The following FREM3 variants were observed in gnomAD, a reference collection of about 807,000 sequenced individuals.
FREM3 encodes FRAS1 related extracellular matrix 3.
In FREM3, 105 loss-of-function variants were observed where a neutral mutation model predicts 129.1. That is an observed-to-expected ratio of 0.81 (90% CI 0.69 to 0.96). FREM3 has a LOEUF of 0.96. FREM3 is among the 40% of genes least tolerant of loss of function. FREM3 has a pLI of 0.00. For missense variants in FREM3, 2,593 were observed against 2,666.3 expected (o/e 0.97, Z 0.61); for synonymous variants, 1,014 against 1,044.9 (o/e 0.97, Z 0.57).
intron 7 of FREM3, among the ~76,000 whole-genome samples, chr4:143,583,950 A>T (rs1255094102): frequency 1.3e-5 from 2 of 152,236 alleles, no homozygotes; most frequent in Admixed American, 6.5e-5. Context: ...TTAAATCCTC[A>T]CATATCAAAT....
chr4:143,675,431 G>T (rs1415924174), intron 2 of FREM3, among the ~76,000 whole-genome samples: 1 of 152,082 alleles, frequency 6.6e-6, no homozygotes, highest in Non-Finnish European at 1.5e-5. Context: ...GCCCACAAGA[G>T]AAAGCAGGAA....
chr4:143,606,313 C>T (rs1333691995), intron 6 of FREM3, among the ~76,000 whole-genome samples: 1 of 151,852 alleles, frequency 6.6e-6, no homozygotes, highest in Non-Finnish European at 1.5e-5. Flanking sequence ...ACATGTTCTT[C>T]AAGGGGTTTG....
At chr4:143,588,854 C>G (rs1448379498) in intron 6 of FREM3, among the ~76,000 whole-genome samples, 6 of 149,856 alleles carry the variant, frequency 4.0e-5, no homozygotes, top group Admixed American at 2.7e-4. Flanking sequence ...GTTTACAGTC[C>G]CACCAACAGG....
At chr4:143,682,050 C>A (rs36003187) in intron 2 of FREM3, among the ~76,000 whole-genome samples, 14,998 of 152,054 alleles carry the variant, frequency 0.099, 2,095 homozygotes, top group African/African-American at 0.3. Flanking sequence ...CAGTATCCCA[C>A]TAAAATAATT....
chr4:143,584,411 G>A (rs1180577314), intron 7 of FREM3, among the ~76,000 whole-genome samples: 5 of 48,604 alleles, frequency 1.0e-4, no homozygotes, highest in African/African-American at 3.1e-4. Flanking sequence ...GCGAGACTCC[G>A]TCTCAAAAAA....
At chr4:143,600,976 T>C (rs1350258875) in intron 6 of FREM3, among the ~76,000 whole-genome samples, 3 of 151,874 alleles carry the variant, frequency 2.0e-5, no homozygotes, top group Non-Finnish European at 4.4e-5. Flanking sequence ...TTTTTTTTTT[T>C]TTGAGATGTT....
Position 143,610,766 on chromosome 4 carries a change from G to A in FREM3, c.6028+513C>T, listed in dbSNP as rs148446866. On this transcript the variant is annotated intron_variant, in intron 6 of 7. Coordinates refer to ENST00000329798, the MANE Select transcript of FREM3 (RefSeq NM_001168235.2). ...GGGAGTTGGTGTTTAGGAATGAGGC[G>A]CCCCTCTCTTCTCTGGCTAAATTTC... is the stretch of plus-strand genomic sequence containing the variant. Among the ~76,000 whole-genome samples, 179 of 152,250 alleles carry A rather than the reference G, an allele frequency of 1.2e-3. 1 individual carries two copies. Among genetic ancestry groups the A allele is most frequent in the African/African-American group, 3.9e-3 (164 of 41,570 alleles).
At position 143,611,304 on chromosome 4, in the gene FREM3, C is replaced by G. The variant is rs750888614; in HGVS notation, c.6003G>C (p.Val2001=). 2.5e-5 allele frequency: 39 copies of G among 1,536,962 alleles called. No homozygotes were observed. The South Asian group carries it at 4.4e-4, about 17-fold the overall frequency. Residue 2001 remains valine (V), a synonymous_variant, in exon 6 of 8, where the codon GTG becomes GTC. Coordinates refer to ENST00000329798, the MANE Select transcript of FREM3 (RefSeq NM_001168235.2). ...QLGARFPTTK[V]TILADRYDEP... is the part of the protein sequence containing the mutation. Reference sequence around the variant, plus strand: ...CATCATAACGATCAGCCAGAATAGTCACCTTAGTGGTGGGGAATCTGGCTC... The same window carrying G: ...CATCATAACGATCAGCCAGAATAGTGACCTTAGTGGTGGGGAATCTGGCTC...
At chr4:143,582,860 G>A (rs528191148) in intron 7 of FREM3, among the ~76,000 whole-genome samples, 6 of 151,304 alleles carry the variant, frequency 4.0e-5, no homozygotes, top group Non-Finnish European at 2.9e-5. Flanking sequence ...TTCATAATAC[G>A]ATTGAAAATA....
At chr4:143,623,573 A>AT (rs149902769) in intron 4 of FREM3, among the ~76,000 whole-genome samples, 16,617 of 137,958 alleles carry the variant, frequency 0.12, 2,812 homozygotes, top group African/African-American at 0.39. Context: ...TACTGCTTAG[A>AT]TTTTTTTTCC....
intron 6 of FREM3, among the ~76,000 whole-genome samples, chr4:143,591,760 T>C (rs550895919): frequency 2.6e-4 from 39 of 152,310 alleles, no homozygotes; most frequent in African/African-American, 8.9e-4. Context: ...TGAGGTCCAC[T>C]TGGTGCAGAG....
Position 143,696,600 on chromosome 4 carries a change from C to T in FREM3, c.4076G>A (p.Arg1359Lys). The T allele has an allele frequency of 6.5e-7, 1 of 1,537,652 alleles. No individual in the cohort carries two copies. Among genetic ancestry groups the T allele is most frequent in the Non-Finnish European group, 8.7e-7 (1 of 1,146,988 alleles). ...GPQQGLLQRL[R>K]KPRGEVRNNL... ...GTTCCTCACTTCTCCTCTGGGTTTTCTCAGCCTCTGTAGAAGCCCTTGTTG... is the reference window on the plus strand; with the variant it reads ...GTTCCTCACTTCTCCTCTGGGTTTTTTCAGCCTCTGTAGAAGCCCTTGTTG... The change falls in exon 1 of 8, where the codon AGA becomes AAA. Residue 1359 changes from arginine (R) to lysine (K), a missense_variant. Arg to Lys is a conservative substitution (Grantham distance 26, BLOSUM62 2). This residue lies in a region of FREM3 where 2,276 missense variants were observed against 2,267.2 expected (regional missense o/e 1.00). Coordinates refer to ENST00000329798, the MANE Select transcript of FREM3 (RefSeq NM_001168235.2).
intron 2 of FREM3, among the ~76,000 whole-genome samples, chr4:143,679,364 T>G (rs1740209679): frequency 6.6e-6 from 1 of 152,184 alleles, no homozygotes; most frequent in Non-Finnish European, 1.5e-5. Flanking sequence ...GAAAAAGTGT[T>G]GCCTTTTAGA....
chr4:143,643,681 G>A (rs543958854), intron 2 of FREM3, among the ~76,000 whole-genome samples: 2 of 152,168 alleles, frequency 1.3e-5, no homozygotes, highest in South Asian at 4.2e-4. Context: ...AGGGGAGGAT[G>A]AGGAGAGGCT....
chr4:143,628,475 A>G (rs1300328150), intron 2 of FREM3, among the ~76,000 whole-genome samples: 2 of 152,078 alleles, frequency 1.3e-5, no homozygotes, highest in Non-Finnish European at 2.9e-5. Context: ...ACAAATAATC[A>G]CCCGTGAAAA....
chr4:143,697,189 C>T lies in FREM3; in HGVS notation c.3487G>A (p.Glu1163Lys). The T allele has an allele frequency of 6.5e-7, 1 of 1,537,910 alleles. No homozygotes were observed. The highest frequency in any genetic ancestry group is 8.7e-7 in the Non-Finnish European group (1 of 1,147,058). Residue 1163 changes from glutamate to lysine, a missense_variant, in exon 1 of 8, where the codon GAG becomes AAG. Glu to Lys is a moderately conservative substitution (Grantham distance 56). Transcript: ENST00000329798. ...QSIHKGVEPQ[E>K]DQFTFYCSDG... ...GAGCAATAAAAGGTGAATTGGTCCT[C>T]TTGTGGCTCTACTCCCTTGTGAATA...
chr4:143,620,956 C>G lies in FREM3; in HGVS notation c.5779+81G>C, dbSNP rs964667080. 77 of 1,378,806 alleles carry G rather than the reference C, an allele frequency of 5.6e-5. No individual in the cohort carries two copies. The African/African-American group carries it at 1.1e-3, about 19-fold the overall frequency. 85.4% of individuals were successfully genotyped at this position (1,378,806 alleles called of 1,614,324 possible). On this transcript the variant is annotated intron_variant, in intron 5 of 7. Transcript: ENST00000329798. Reference sequence around the variant, plus strand: ...AGCATCTTAACTCTGCTTTGCTCACCCTCTGTGGTACTCCCAGCATTACCA... The same window carrying G: ...AGCATCTTAACTCTGCTTTGCTCACGCTCTGTGGTACTCCCAGCATTACCA...
In FREM3 at chr4:143,698,616, T is replaced by C; in HGVS notation, c.2060A>G (p.Lys687Arg). 1.3e-6 allele frequency: 2 copies of C among 1,537,790 alleles called. No individual in the cohort carries two copies. Among genetic ancestry groups the C allele is most frequent in the Non-Finnish European group, 1.7e-6 (2 of 1,147,034 alleles). ...GACCTTGATGGTGAAAATGTGCTGT[T>C]TGGAGAGATTGGGTGGGTCATGGTC... ...QDDHDPPNLS[K>R]QHIFTIKVQP... The change falls in exon 1 of 8, where the codon AAA becomes AGA. Residue 687 changes from lysine to arginine, a missense_variant. Transcript: ENST00000329798.
Position 143,624,378 on chromosome 4 carries a change from G to T in FREM3, c.5423-40C>A. The stretch of plus-strand genomic sequence containing the variant: ...GAAAACTATAAATATAAAGCCAAGT[G>T]ACTGAAGGCATAGTCTCCTTTCAAA... On this transcript the variant is annotated intron_variant, in intron 3 of 7. Transcript: ENST00000329798. 4 of 1,227,072 alleles carry T rather than the reference G, an allele frequency of 3.3e-6. No individual in the cohort carries two copies. The South Asian group carries it at 3.9e-5, about 12-fold the overall frequency. 76.0% of individuals were successfully genotyped at this position (1,227,072 alleles called of 1,614,324 possible). A position where few individuals can be genotyped will look rare whatever the true frequency, so the allele number is the denominator to read the frequency against.
Sources: gnomAD v4.1 joint callset for allele counts (sites outside exome capture counted in the v4.1 genomes callset) on GRCh38, gnomAD v4.1.1 for gene constraint, gnomAD v4.1.1 regional missense constraint, MANE v1.5 for transcripts, NCBI Gene and HGNC (gene_info 2026-07-23, HGNC 2026-07-21) for gene names.